The following ARHGEF40 variants were observed in gnomAD, a reference collection of about 807,000 sequenced individuals.
ARHGEF40 encodes the protein Rho guanine nucleotide exchange factor 40.
ARHGEF40 carries 98 observed loss-of-function variants against 165.9 expected under a neutral mutation model. The ratio of observed to expected loss-of-function variants is 0.59; its 90% CI spans 0.50 to 0.70. The LOEUF (loss-of-function observed/expected upper bound fraction) is 0.70, where lower values mean the gene tolerates loss of function less well. Among genes scored for constraint, ARHGEF40 ranks in the 30% least tolerant of loss-of-function variants. The pLI is 0.00. For missense variants in ARHGEF40, 1,815 were observed against 1,968.0 expected (o/e 0.92, Z 1.47); for synonymous variants, 792 against 814.3 (o/e 0.97, Z 0.47).
At chr14:21,085,565 T>G in intron 18 of ARHGEF40, 124 bp from the exon 19 acceptor site, 1 of 1,114,636 alleles carries the variant, frequency 9.0e-7, no homozygotes, top group Non-Finnish European at 1.3e-6. Flanking sequence ...TGGCACGTGA[T>G]AGGTGTTGAG....
At chr14:21,088,207 G>C (rs937522417) in intron 22 of ARHGEF40, 109 bp downstream of exon 22, 1 of 1,350,410 alleles carries the variant, frequency 7.4e-7, no homozygotes, top group Non-Finnish European at 9.9e-7. Context: ...CTGTGAACTT[G>C]TGCTCCCAGC....
intron 14 of ARHGEF40, 55 bp from the exon 15 acceptor site, chr14:21,082,189 T>C: frequency 3.8e-6 from 6 of 1,573,666 alleles, no homozygotes; most frequent in East Asian, 2.3e-5. Flanking sequence ...GATGACATTG[T>C]TGGGGGTACT....
At position 21,084,892 on chromosome 14, in the gene ARHGEF40, C is replaced by A; in HGVS notation, c.3929C>A (p.Ser1310Ter). 6.2e-7 allele frequency: 1 copy of A among 1,614,078 alleles called. No homozygotes were observed. The highest frequency in any genetic ancestry group is 8.5e-7 in the Non-Finnish European group (1 of 1,180,014). Reference protein sequence around the residue: ...FSKLKGPEGGSEMFVYKQAFK... With the variant: ...FSKLKGPEGG ...AAGCTCAAGGGCCCTGAAGGGGGGT[C>A]AGAGATGTTTGTTTACAAGCAGGCC... The change falls in exon 18 of 24, where the codon TCA (serine) becomes TAA (stop). Residue 1310 changes from serine (S) to a stop codon, truncating the protein, a stop_gained. Transcript: ENST00000298694. LOFTEE classifies it high-confidence loss of function.
Position 21,085,813 on chromosome 14 carries a change from A to G in ARHGEF40, c.4085A>G (p.Lys1362Arg). The G allele has an allele frequency of 1.2e-6, 2 of 1,614,204 alleles. No individual in the cohort carries two copies. The highest frequency in any genetic ancestry group is 1.7e-6 in the Non-Finnish European group (2 of 1,180,044). ...GCAACCTCACCAGAGATCAAACTCA[A>G]GTGGACAAGTTCTATTGCCCAGCTG... ...LQATSPEIKL[K>R]WTSSIAQLLW... The change falls in exon 19 of 24, where the codon AAG becomes AGG. Residue 1362 changes from lysine to arginine, a missense_variant. Lys to Arg is a conservative substitution (Grantham distance 26, BLOSUM62 2). Coordinates refer to ENST00000298694, the MANE Select transcript of ARHGEF40 (RefSeq NM_018071.5).
chr14:21,087,279 C>T (rs1442556462), intron 20 of ARHGEF40, 41 bp from the exon 21 acceptor site: 2 of 1,593,652 alleles, frequency 1.3e-6, no homozygotes, highest in Non-Finnish European at 8.5e-7. Context: ...AGAGGGCTTT[C>T]CCACACCAGC....
At chr14:21,088,197 CTG>C in intron 22 of ARHGEF40, 99 bp downstream of exon 22, 1 of 1,418,748 alleles carries the variant, frequency 7.0e-7, no homozygotes, top group Non-Finnish European at 9.4e-7. Flanking sequence ...TGGGGGAAAA[CTG>C]TGAACTTGTG....
chr14:21,068,026 G>A (rs551654276), upstream of ARHGEF40, among the ~76,000 whole-genome samples: 9 of 14,240 alleles, frequency 6.3e-4, 3 homozygotes, highest in South Asian at 0.015. Flanking sequence ...TTGAGACGGA[G>A]TCTCGCTCTG....
At position 21,083,853 on chromosome 14, in the gene ARHGEF40, C is replaced by T. The variant is rs1451222190; in HGVS notation, c.3592C>T (p.Pro1198Ser). Residue 1198 changes from proline to serine, a missense_variant, in exon 17 of 24, where the codon CCT becomes TCT. Physicochemically the swap from Pro to Ser is moderately conservative, Grantham distance 74. Coordinates refer to ENST00000298694, the MANE Select transcript of ARHGEF40 (RefSeq NM_018071.5). The part of the protein sequence containing the change: ...PLSKGSMEAG[P>S]YLPRALQQPL... ...AACCTAGGGCTCCATGGAGGCTGGCCCTTACCTGCCCCGAGCCCTGCAGCA... is the reference window on the plus strand; with the variant it reads ...AACCTAGGGCTCCATGGAGGCTGGCTCTTACCTGCCCCGAGCCCTGCAGCA... The T allele has an allele frequency of 2.5e-6, 4 of 1,613,842 alleles. No individual in the cohort carries two copies. Among genetic ancestry groups the T allele is most frequent in the East Asian group, 2.2e-5 (1 of 44,868 alleles).
At position 21,087,446 on chromosome 14, in the gene ARHGEF40, T is replaced by G; in HGVS notation, c.4370T>G (p.Val1457Gly). 6.2e-7 allele frequency: 1 copy of G among 1,600,708 alleles called. No homozygotes were observed. Among genetic ancestry groups the G allele is most frequent in the South Asian group, 1.1e-5 (1 of 91,068 alleles). The change falls in exon 21 of 24, where the codon GTC (valine) becomes GGC (glycine). Residue 1457 changes from valine to glycine, a missense_variant. Physicochemically the swap from Val to Gly is moderately radical, Grantham distance 109. Coordinates refer to ENST00000298694, the MANE Select transcript of ARHGEF40 (RefSeq NM_018071.5). ...GAGGAGGAGGCCTGGGATCTGGACG[T>G]CAAGCAAATTTCCCTGGGTGAGGCA... is the stretch of plus-strand genomic sequence containing the variant. ...RVEEEAWDLDVKQISLAPETL... is the reference protein window; with the variant it reads ...RVEEEAWDLDGKQISLAPETL...
In ARHGEF40 at chr14:21,082,817, C is replaced by T. The variant is rs529035503; in HGVS notation, c.3487-14C>T. The stretch of plus-strand genomic sequence containing the variant: ...CCTCACCGGGGACTCCTTATCTGTT[C>T]TTTACTGGCACAGGGGGACCAGTTC... On this transcript the variant is annotated splice_polypyrimidine_tract_variant and intron_variant, in intron 15 of 23. Coordinates refer to ENST00000298694, the MANE Select transcript of ARHGEF40 (RefSeq NM_018071.5). The T allele has an allele frequency of 2.7e-5, 43 of 1,613,614 alleles. No homozygotes were observed. The highest frequency in any genetic ancestry group is 3.6e-5 in the Non-Finnish European group (42 of 1,179,752).
Position 21,074,648 on chromosome 14 carries a change from C to A in ARHGEF40, c.918C>A (p.Pro306=). ...GPRGQDGARP[P]GEGSSTGASP... is the part of the protein sequence containing the mutation. ...GGGGCCAGGATGGAGCACGCCCACC[C>A]GGCGAGGGGAGCAGCACCGGAGCCT... Residue 306 remains proline, a synonymous_variant, in exon 3 of 24, where the codon CCC becomes CCA. Coordinates refer to ENST00000298694, the MANE Select transcript of ARHGEF40 (RefSeq NM_018071.5). This position sits in a 1 kb window ranked among gnomAD's most constrained non-coding sequence, Gnocchi z 4.8. 1 of 1,565,928 alleles carries A rather than the reference C, an allele frequency of 6.4e-7. No individual in the cohort carries two copies. The highest frequency in any genetic ancestry group is 1.3e-5 in the African/African-American group (1 of 74,140).
chr14:21,068,279 G>A (rs1425469886), upstream of ARHGEF40, among the ~76,000 whole-genome samples: 2 of 12,152 alleles, frequency 1.6e-4, 1 homozygote, highest in Non-Finnish European at 1.0e-3. Flanking sequence ...GATTACAGGC[G>A]TGAGCCACCG....
rs1887468257 is a variant in ARHGEF40 at position 21,076,843 on chromosome 14, G to A, written c.1987G>A (p.Gly663Arg). ...GCCAGAGGAGCTGCAGTGGGAGTTA[G>A]GAGGTCACAGGGACCCCTCTCCCAG... ...AKPEELQWELGGHRDPSPSHW... is the reference protein window; with the variant it reads ...AKPEELQWELRGHRDPSPSHW... Residue 663 changes from glycine to arginine, a missense_variant, in exon 8 of 24, where the codon GGA becomes AGA. Physicochemically the swap from Gly to Arg is moderately radical, Grantham distance 125. Coordinates refer to ENST00000298694, the MANE Select transcript of ARHGEF40 (RefSeq NM_018071.5). The A allele has an allele frequency of 1.2e-6, 2 of 1,613,864 alleles. No homozygotes were observed. Among genetic ancestry groups the A allele is most frequent in the East Asian group, 4.5e-5 (2 of 44,876 alleles).
At position 21,074,393 on chromosome 14, in the gene ARHGEF40, G is replaced by A. The variant is rs765470986; in HGVS notation, c.663G>A (p.Ala221=). 57 of 1,612,890 alleles carry A rather than the reference G, an allele frequency of 3.5e-5. No individual in the cohort carries two copies. Among genetic ancestry groups the A allele is most frequent in the Middle Eastern group, 1.6e-4 (1 of 6,080 alleles). ...CCAGCCCTCCACTTCCTGAGGAGGCGCTGGGTACCCGGAGTCCTGGGGATG... is the reference window on the plus strand; with the variant it reads ...CCAGCCCTCCACTTCCTGAGGAGGCACTGGGTACCCGGAGTCCTGGGGATG... ...GLPSPPLPEE[A]LGTRSPGDGH... is the part of the protein sequence containing the mutation. The change falls in exon 3 of 24, where the codon GCG becomes GCA. Residue 221 remains alanine, a synonymous_variant. Coordinates refer to ENST00000298694, the MANE Select transcript of ARHGEF40 (RefSeq NM_018071.5). The surrounding 1 kb of genome is among the most constrained non-coding windows in gnomAD (Gnocchi z 4.8).
At position 21,076,688 on chromosome 14, in the gene ARHGEF40, AGAG is replaced by A. The variant is rs767846763; in HGVS notation, c.1917+49_1917+51del. On this transcript the variant is annotated intron_variant, in intron 7 of 23. Transcript: ENST00000298694. ...ATCTAGTTTCCCATCAGTAGTGGGG[AGAG>A]GAGAAGAGGCTGGCTGGAGCCCCAG... 18 of 1,461,168 alleles carry A rather than the reference AGAG, an allele frequency of 1.2e-5. 1 individual carries two copies. The South Asian group carries it at 2.2e-4, about 18-fold the overall frequency. 90.5% of individuals were successfully genotyped at this position (1,461,168 alleles called of 1,614,324 possible).
Position 21,072,567 on chromosome 14 carries a change from T to C in ARHGEF40, c.4-478T>C, listed in dbSNP as rs1270968697. Among the ~76,000 whole-genome samples the C allele has an allele frequency of 6.6e-6, 1 of 152,154 alleles. No individual in the cohort carries two copies. Among genetic ancestry groups the C allele is most frequent in the African/African-American group, 2.4e-5 (1 of 41,424 alleles). On this transcript the variant is annotated intron_variant, in intron 1 of 23. Coordinates refer to ENST00000298694, the MANE Select transcript of ARHGEF40 (RefSeq NM_018071.5). This position sits in a 1 kb window ranked among gnomAD's most constrained non-coding sequence, Gnocchi z 4.1. ...AATGATCATCTCTGGGACATAATTG[T>C]GGGTGATGGCACCTCCACCTAAGAT... is the stretch of plus-strand genomic sequence containing the variant.
intron 8 of ARHGEF40, among the ~76,000 whole-genome samples, chr14:21,077,308 G>A (rs1181050140): frequency 2.0e-4 from 21 of 105,468 alleles, no homozygotes; most frequent in Admixed American, 8.7e-4. Flanking sequence ...TTGTAGAGAC[G>A]GGGTTTTGCC....
rs1566535657 is a variant in ARHGEF40 at position 21,082,948 on chromosome 14, G to A, written c.3573+31G>A. ...TTTTTCTCCAACCTTCAGGAGAAAA[G>A]TAGAGAGGCCAGAAAGACCTAAAAA... On this transcript the variant is annotated intron_variant, in intron 16 of 23. Coordinates refer to ENST00000298694, the MANE Select transcript of ARHGEF40 (RefSeq NM_018071.5). 2.5e-6 allele frequency: 4 copies of A among 1,603,396 alleles called. No homozygotes were observed. The South Asian group carries it at 4.4e-5, about 18-fold the overall frequency.
chr14:21,066,046 TC>T (rs1353359584), upstream of ARHGEF40, among the ~76,000 whole-genome samples: 1 of 151,992 alleles, frequency 6.6e-6, no homozygotes, highest in Non-Finnish European at 1.5e-5. Context: ...TTGCAGTGAG[TC>T]CAGATTGCAA....
Sources: gnomAD v4.1 joint callset for allele counts (sites outside exome capture counted in the v4.1 genomes callset) on GRCh38, gnomAD v4.1.1 for gene constraint, Gnocchi (gnomAD v3.1) non-coding constraint, MANE v1.5 for transcripts, NCBI Gene and HGNC (gene_info 2026-07-23, HGNC 2026-07-21) for gene names.